BBS9: variants seen among roughly 807,000 people sequenced by gnomAD.
BBS9 encodes the protein Bardet-Biedl syndrome 9, also known as protein PTHB1.
A neutral mutation model predicts 117.7 loss-of-function variants in BBS9; 89 were observed. That is an observed-to-expected ratio of 0.76 (90% CI 0.64 to 0.90). The LOEUF (loss-of-function observed/expected upper bound fraction) is 0.90. BBS9 is among the 40% of genes least tolerant of loss of function. The pLI, the probability that BBS9 is intolerant of heterozygous loss-of-function variation, is 0.00. For missense variants in BBS9, 982 were observed against 1,042.2 expected (o/e 0.94, Z 0.80); for synonymous variants, 379 against 370.9 (o/e 1.02, Z -0.25).
chr7:33,575,647 A>G (rs1407304974), intron 21 of BBS9, among the ~76,000 whole-genome samples: 1 of 152,198 alleles, frequency 6.6e-6, no homozygotes, highest in Non-Finnish European at 1.5e-5. Context: ...CATCGATGTG[A>G]AAATCCTCAA....
At chr7:33,536,632 G>T (rs1458191754) in intron 21 of BBS9, among the ~76,000 whole-genome samples, 1 of 54,854 alleles carries the variant, frequency 1.8e-5, no homozygotes, top group Non-Finnish European at 3.9e-5. Context: ...GTACAGATTT[G>T]TTTTTAACCA....
chr7:33,261,968 C>A (rs1433143059), intron 6 of BBS9, among the ~76,000 whole-genome samples: 1 of 152,052 alleles, frequency 6.6e-6, no homozygotes, highest in East Asian at 1.9e-4. Flanking sequence ...GAAAAAAGAT[C>A]CAAATATTTT....
rs527799926 is a variant in BBS9, at chr7:33,312,944, G to A, written c.1017-23497G>A. On this transcript the variant is annotated intron_variant, in intron 9 of 22. Coordinates refer to ENST00000242067, the MANE Select transcript of BBS9 (RefSeq NM_198428.3). ...TTTATAGTCTAATTCTGAGAACTAT[G>A]CTTGAAACATCATTGGTATTCAATA... is the stretch of plus-strand genomic sequence containing the variant. Among the ~76,000 whole-genome samples, 4 of 152,038 alleles carry A rather than the reference G, an allele frequency of 2.6e-5. No individual in the cohort carries two copies. In the South Asian group the frequency reaches 8.3e-4, roughly 32 times the overall value.
chr7:33,503,255 C>T (rs1387396759), intron 19 of BBS9, among the ~76,000 whole-genome samples: 6 of 152,156 alleles, frequency 3.9e-5, no homozygotes, highest in Admixed American at 2.0e-4. Context: ...CGTCAAAGCT[C>T]GAGCACAGTT....
chr7:33,501,112 T>C (rs1395037803), intron 19 of BBS9, among the ~76,000 whole-genome samples: 3 of 152,190 alleles, frequency 2.0e-5, no homozygotes, highest in African/African-American at 7.2e-5. Context: ...TAAAAATCGC[T>C]CTCCCTCAAA....
intron 5 of BBS9, among the ~76,000 whole-genome samples, chr7:33,217,804 G>A (rs1789366530): frequency 6.6e-6 from 1 of 152,076 alleles, no homozygotes; most frequent in Non-Finnish European, 1.5e-5. Context: ...TTTTCACTTT[G>A]CACATATGTC....
At chr7:33,283,548 C>T (rs1047656255) in intron 9 of BBS9, among the ~76,000 whole-genome samples, 11 of 151,782 alleles carry the variant, frequency 7.2e-5, no homozygotes, top group East Asian at 5.8e-4. Context: ...CTTTCAACCC[C>T]GTATCTTTTG....
At chr7:33,182,454 A>C (rs1798228095) in intron 5 of BBS9, among the ~76,000 whole-genome samples, 1 of 152,226 alleles carries the variant, frequency 6.6e-6, no homozygotes, top group Admixed American at 6.5e-5. Context: ...GCTCCACAGC[A>C]GTTAAGTTGA....
chr7:33,538,189 A>G (rs1211223233), intron 21 of BBS9, among the ~76,000 whole-genome samples: 1 of 152,252 alleles, frequency 6.6e-6, no homozygotes, highest in Non-Finnish European at 1.5e-5. Flanking sequence ...TCACACTGCC[A>G]GATTCCTGGG....
At chr7:33,291,395 A>G (rs1017579627) in intron 9 of BBS9, among the ~76,000 whole-genome samples, 2 of 152,200 alleles carry the variant, frequency 1.3e-5, no homozygotes, top group Non-Finnish European at 2.9e-5. Context: ...AGCAATAGTT[A>G]GATGTTGCCT....
intron 5 of BBS9, among the ~76,000 whole-genome samples, chr7:33,231,428 C>CTTTTTTTTTTTTTTTTATTTTTTTTT (rs1792376198): frequency 9.4e-6 from 1 of 106,386 alleles, no homozygotes; most frequent in Non-Finnish European, 1.9e-5. Flanking sequence ...GCCTATGTGT[C>CTTTTTTTTTTTTTTTTATTTTTTTTT]TTTTTTTTTT....
intron 9 of BBS9, among the ~76,000 whole-genome samples, chr7:33,326,401 A>G (rs1448449710): frequency 6.6e-6 from 1 of 152,014 alleles, no homozygotes; most frequent in Non-Finnish European, 1.5e-5. Context: ...CTCTCAGGGC[A>G]GGTCCTAAAA....
chr7:33,135,414 C>T lies in BBS9; in HGVS notation c.-12+5373C>T, dbSNP rs10269511. On this transcript the variant is annotated intron_variant, in intron 1 of 22. Transcript: ENST00000242067. ...TTTCATTCTTCTGCATGTCACTATT[C>T]GGTCATCTTAGACCCATTTGTTGCA... is the stretch of plus-strand genomic sequence containing the variant. 3.9e-3 allele frequency among the ~76,000 whole-genome samples: 599 copies of T among 152,322 alleles called. 4 individuals carry two copies. The highest frequency in any genetic ancestry group is 0.014 in the African/African-American group (576 of 41,576).
intron 17 of BBS9, among the ~76,000 whole-genome samples, chr7:33,369,014 C>T (rs1289838379): frequency 2.6e-5 from 4 of 152,198 alleles, no homozygotes; most frequent in South Asian, 4.1e-4. Context: ...ACATTGGCAT[C>T]ATTTTTTAAA....
intron 19 of BBS9, among the ~76,000 whole-genome samples, chr7:33,483,824 G>A (rs867775459): frequency 6.6e-6 from 1 of 152,154 alleles, no homozygotes; most frequent in Middle Eastern, 3.4e-3. Flanking sequence ...TTTCTGTAGA[G>A]ATAGGGTCTT....
At chr7:33,280,454 C>A (rs952327779) in intron 9 of BBS9, among the ~76,000 whole-genome samples, 1 of 152,126 alleles carries the variant, frequency 6.6e-6, no homozygotes. Flanking sequence ...TCCCCCATAT[C>A]TTTTCTGGAT....
chr7:33,406,071 C>G (rs1829918858), intron 19 of BBS9, among the ~76,000 whole-genome samples: 1 of 152,046 alleles, frequency 6.6e-6, no homozygotes, highest in African/African-American at 2.4e-5. Context: ...TTTCAAAGAA[C>G]TTTATTTCTG....
At position 33,257,358 on chromosome 7, in the gene BBS9, C is replaced by T. The variant is rs776941068; in HGVS notation, c.565C>T (p.Arg189Cys). 24 of 1,613,868 alleles carry T rather than the reference C, an allele frequency of 1.5e-5. No individual in the cohort carries two copies. The highest frequency in any genetic ancestry group is 1.9e-5 in the Non-Finnish European group (22 of 1,179,886). The part of the protein sequence containing the change: ...LLPGPLAYSS[R>C]TDSFLTVSSC... ...GCCTGGTCCTCTTGCCTACAGTTCCCGTACAGATTCCTTCCTTACTGTCTC... is the reference window on the plus strand; with the variant it reads ...GCCTGGTCCTCTTGCCTACAGTTCCTGTACAGATTCCTTCCTTACTGTCTC... The change falls in exon 6 of 23, where the codon CGT (arginine) becomes TGT (cysteine). Residue 189 changes from arginine to cysteine, a missense_variant. Physicochemically the swap from Arg to Cys is radical, Grantham distance 180. Coordinates refer to ENST00000242067, the MANE Select transcript of BBS9 (RefSeq NM_198428.3).
At chr7:33,203,122 A>T (rs1786201083) in intron 5 of BBS9, among the ~76,000 whole-genome samples, 2 of 152,276 alleles carry the variant, frequency 1.3e-5, no homozygotes, top group South Asian at 4.2e-4. Context: ...TTAAGTCCTC[A>T]GCTGCTTGGT....
Sources: gnomAD v4.1 joint callset for allele counts (sites outside exome capture counted in the v4.1 genomes callset) on GRCh38, gnomAD v4.1.1 for gene constraint, MANE v1.5 for transcripts, NCBI Gene and HGNC (gene_info 2026-07-23, HGNC 2026-07-21) for gene names.